The following SPOCK3 variants were observed in gnomAD, a reference collection of about 807,000 sequenced individuals.
SPOCK3 encodes SPARC (osteonectin), cwcv and kazal like domains proteoglycan 3, also known as testican-3.
A neutral mutation model predicts 56.6 loss-of-function variants in SPOCK3; 30 were observed. The ratio of observed to expected loss-of-function variants is 0.53; its 90% CI spans 0.40 to 0.72. SPOCK3 has a LOEUF of 0.72. Among genes scored for constraint, SPOCK3 ranks in the 30% least tolerant of loss-of-function variants. The pLI, the probability that SPOCK3 is intolerant of heterozygous loss-of-function variation, is 0.00. For synonymous variants in SPOCK3, 196 were observed against 183.3 expected, an observed-to-expected ratio of 1.07 and a Z score of -0.56; for missense variants, 527 against 530.0, an observed-to-expected ratio of 0.99 and a Z score of 0.06.
intron 2 of SPOCK3, among the ~76,000 whole-genome samples, chr4:167,108,923 AAT>A (rs1457198475): frequency 1.5e-5 from 2 of 131,584 alleles, no homozygotes; most frequent in South Asian, 2.1e-4. Flanking sequence ...ATACCGCACA[AAT>A]ATATATATTT....
At chr4:166,984,759 C>A (rs968065434) in intron 4 of SPOCK3, among the ~76,000 whole-genome samples, 4 of 152,112 alleles carry the variant, frequency 2.6e-5, no homozygotes, top group Non-Finnish European at 4.4e-5. Flanking sequence ...CTTTTAGCCT[C>A]TTAGCAGCAA....
chr4:167,187,902 G>C (rs911614168), intron 2 of SPOCK3, among the ~76,000 whole-genome samples: 60 of 152,120 alleles, frequency 3.9e-4, no homozygotes, highest in African/African-American at 1.4e-3. Flanking sequence ...TGAAGTGGAT[G>C]TGGGCTGCCA....
rs943774633 is a variant in SPOCK3, at chr4:166,906,538, A to G, written c.474+6082T>C. 1.7e-4 allele frequency among the ~76,000 whole-genome samples: 26 copies of G among 151,758 alleles called. No homozygotes were observed. In the East Asian group the frequency reaches 3.7e-3, roughly 21 times the overall value. On this transcript the variant is annotated intron_variant, in intron 5 of 10. Coordinates refer to ENST00000357545, the MANE Select transcript of SPOCK3 (RefSeq NM_001040159.2). The stretch of plus-strand genomic sequence containing the variant: ...CTATACACAAAAACTAATCAGTATC[A>G]TAGACCTAACCCTAAAAGTTAAAAT...
At chr4:167,222,363 G>T (rs1206779960) in intron 2 of SPOCK3, among the ~76,000 whole-genome samples, 1 of 151,604 alleles carries the variant, frequency 6.6e-6, no homozygotes, top group Non-Finnish European at 1.5e-5. Flanking sequence ...CTGGAGACTG[G>T]TTGCAAAACA....
chr4:166,833,178 T>G (rs891924229), intron 6 of SPOCK3, among the ~76,000 whole-genome samples: 1 of 152,124 alleles, frequency 6.6e-6, no homozygotes, highest in Admixed American at 6.5e-5. Flanking sequence ...TTCCAAATAT[T>G]TAATAATTTT....
chr4:167,106,174 C>T (rs1463863359), intron 2 of SPOCK3, among the ~76,000 whole-genome samples: 1 of 151,902 alleles, frequency 6.6e-6, no homozygotes, highest in Non-Finnish European at 1.5e-5. Flanking sequence ...CTTGGAAATA[C>T]ACATTATTCT....
rs537921728 is a variant in SPOCK3 at position 167,134,333 on chromosome 4, C to T, written c.190-71796G>A. On this transcript the variant is annotated intron_variant, in intron 2 of 10. Transcript: ENST00000357545. Reference sequence around the variant, plus strand: ...CAGGTGTGAGCCATCGCACGTGGCGCTTGATGACTTGTACACCTTTTATTT... The same window carrying T: ...CAGGTGTGAGCCATCGCACGTGGCGTTTGATGACTTGTACACCTTTTATTT... Among the ~76,000 whole-genome samples, 29 of 152,022 alleles carry T rather than the reference C, an allele frequency of 1.9e-4. 1 individual carries two copies. The South Asian group carries it at 6.0e-3, about 32-fold the overall frequency.
intron 4 of SPOCK3, among the ~76,000 whole-genome samples, chr4:166,928,844 C>G (rs62352349): frequency 0.076 from 11,607 of 151,850 alleles, 539 homozygotes; most frequent in Non-Finnish European, 0.1. Flanking sequence ...GGTGGGTGCC[C>G]GAAATCCCAG....
chr4:166,957,160 G>A (rs1554009455), intron 4 of SPOCK3, among the ~76,000 whole-genome samples: 1 of 152,136 alleles, frequency 6.6e-6, no homozygotes, highest in African/African-American at 2.4e-5. Flanking sequence ...AGGCTGAGGT[G>A]GGAGGATCAC....
chr4:167,150,286 A>G (rs924818080), intron 2 of SPOCK3, among the ~76,000 whole-genome samples: 1 of 152,140 alleles, frequency 6.6e-6, no homozygotes, highest in Non-Finnish European at 1.5e-5. Context: ...TGTAGACTAT[A>G]AAGACTACTG....
intron 6 of SPOCK3, among the ~76,000 whole-genome samples, chr4:166,823,573 A>G (rs962884434): frequency 2.0e-5 from 3 of 152,110 alleles, no homozygotes; most frequent in Non-Finnish European, 2.9e-5. Flanking sequence ...TTTAAGGGTC[A>G]GGGAACACTG....
chr4:167,212,092 G>T (rs1267327614), intron 2 of SPOCK3, among the ~76,000 whole-genome samples: 1 of 152,012 alleles, frequency 6.6e-6, no homozygotes, highest in Non-Finnish European at 1.5e-5. Flanking sequence ...ACAATACAGG[G>T]TTGTTATTAA....
At chr4:167,024,879 G>C (rs1384101639) in intron 3 of SPOCK3, among the ~76,000 whole-genome samples, 1 of 151,856 alleles carries the variant, frequency 6.6e-6, no homozygotes, top group African/African-American at 2.4e-5. Context: ...ATTTTTAAAA[G>C]AGTCCTTTAA....
intron 5 of SPOCK3, among the ~76,000 whole-genome samples, chr4:166,909,560 A>G (rs1178851303): frequency 1.3e-5 from 2 of 152,108 alleles, no homozygotes; most frequent in Non-Finnish European, 2.9e-5. Flanking sequence ...TGGGTCAACA[A>G]TTCAGCAGAC....
intron 2 of SPOCK3, among the ~76,000 whole-genome samples, chr4:167,117,740 T>C (rs1428086515): frequency 6.6e-6 from 1 of 152,136 alleles, no homozygotes; most frequent in African/African-American, 2.4e-5. Context: ...TCCTGAGAAC[T>C]GATGGTTAGG....
chr4:167,097,469 T>C (rs1759261350), intron 2 of SPOCK3, among the ~76,000 whole-genome samples: 1 of 151,984 alleles, frequency 6.6e-6, no homozygotes, highest in Admixed American at 6.6e-5. Context: ...TCTACTATTA[T>C]TATTCTACTG....
At chr4:166,900,653 G>A (rs752796409) in intron 5 of SPOCK3, among the ~76,000 whole-genome samples, 6 of 152,160 alleles carry the variant, frequency 3.9e-5, no homozygotes, top group Admixed American at 6.6e-5. Context: ...TGTGGATCAC[G>A]CTGCTCTTTG....
chr4:166,844,963 A>G (rs1249546730), intron 6 of SPOCK3, among the ~76,000 whole-genome samples: 1 of 152,192 alleles, frequency 6.6e-6, no homozygotes, highest in Non-Finnish European at 1.5e-5. Context: ...CTTTGTTGAT[A>G]TTTGGATTGC....
At chr4:166,915,934 A>G (rs1018701992) in intron 4 of SPOCK3, among the ~76,000 whole-genome samples, 1 of 152,198 alleles carries the variant, frequency 6.6e-6, no homozygotes, top group African/African-American at 2.4e-5. Context: ...GCTGGCTGAA[A>G]AACTCTGAAC....
Sources: gnomAD v4.1 joint callset for allele counts (sites outside exome capture counted in the v4.1 genomes callset) on GRCh38, gnomAD v4.1.1 for gene constraint, MANE v1.5 for transcripts, NCBI Gene and HGNC (gene_info 2026-07-23, HGNC 2026-07-21) for gene names.